GRID2: variants seen among roughly 807,000 people sequenced by gnomAD.
GRID2 encodes glutamate receptor ionotropic, delta-2.
In GRID2, 33 loss-of-function variants were observed where a neutral mutation model predicts 114.8. The observed-to-expected ratio is 0.29, with a 90% CI of 0.22 to 0.38. The LOEUF (loss-of-function observed/expected upper bound fraction) is 0.38. Ranked by LOEUF, GRID2 falls within the 10% of genes least tolerant of loss-of-function variation. GRID2 has a pLI of 1.00. For synonymous variants in GRID2, 505 were observed against 449.9 expected, an observed-to-expected ratio of 1.12 and a Z score of -1.55; for missense variants, 1,184 against 1,257.7, an observed-to-expected ratio of 0.94 and a Z score of 0.89.
At chr4:93,032,861 T>C (rs752512913) in intron 2 of GRID2, among the ~76,000 whole-genome samples, 21 of 152,146 alleles carry the variant, frequency 1.4e-4, no homozygotes, top group Non-Finnish European at 2.8e-4. Flanking sequence ...ACAGGACAGC[T>C]GAGCTACACT....
At chr4:93,040,363 A>G (rs921173678) in intron 2 of GRID2, among the ~76,000 whole-genome samples, 6 of 152,074 alleles carry the variant, frequency 3.9e-5, no homozygotes, top group African/African-American at 1.4e-4. Flanking sequence ...TAATTGTGCA[A>G]ACAATTTGAG....
At chr4:93,619,147 A>G (rs573315376) in intron 13 of GRID2, among the ~76,000 whole-genome samples, 1 of 152,310 alleles carries the variant, frequency 6.6e-6, no homozygotes, top group South Asian at 2.1e-4. Context: ...AATTTTGACA[A>G]AATAACAGAT....
intron 8 of GRID2, among the ~76,000 whole-genome samples, chr4:93,248,647 T>C (rs1017046642): frequency 7.2e-5 from 11 of 152,170 alleles, no homozygotes; most frequent in Admixed American, 1.3e-4. Context: ...TAGCAGTAAC[T>C]AGGTTTTATA....
chr4:93,666,178 T>G (rs2149744570), intron 14 of GRID2, among the ~76,000 whole-genome samples: 1 of 152,250 alleles, frequency 6.6e-6, no homozygotes, highest in Non-Finnish European at 1.5e-5. Context: ...GTCTTCATTG[T>G]CAGCACTGTT....
At chr4:93,695,172 GAAA>G (rs5860341) in intron 14 of GRID2, among the ~76,000 whole-genome samples, 2 of 135,956 alleles carry the variant, frequency 1.5e-5, no homozygotes, top group East Asian at 2.2e-4. Context: ...CTCCGTCTCG[GAAA>G]AAAAAAAAAA....
rs1412888811 is a variant in GRID2, at chr4:92,375,784, T to C, written c.88+71040T>C. On this transcript the variant is annotated intron_variant, in intron 1 of 15. Transcript: ENST00000282020. ...GGACTTTGTTGGAAATCCAAAAGCA[T>C]GAGGAAATGTGCTCAAAGTTGCATA... Among the ~76,000 whole-genome samples, 3 of 152,128 alleles carry C rather than the reference T, an allele frequency of 2.0e-5. No individual in the cohort carries two copies. In the East Asian group the frequency reaches 5.8e-4, roughly 29 times the overall value.
In GRID2 at chr4:93,455,774, A is replaced by G. The variant is rs752073311; in HGVS notation, c.1658A>G (p.Glu553Gly). ...GTGGGGGTACTACTTCGAAGGGCTGAAAAGACAGTGGATATGTTTGCCTGT... is the reference window on the plus strand; with the variant it reads ...GTGGGGGTACTACTTCGAAGGGCTGGAAAGACAGTGGATATGTTTGCCTGT... ...YSVGVLLRRA[E>G]KTVDMFACLA... Residue 553 changes from glutamate (E) to glycine (G), a missense_variant, in exon 11 of 16, where the codon GAA becomes GGA. Physicochemically the swap from Glu to Gly is moderately conservative, Grantham distance 98 (BLOSUM62 -2). Transcript: ENST00000282020. 3.1e-6 allele frequency: 5 copies of G among 1,613,008 alleles called. No homozygotes were observed. Among genetic ancestry groups the G allele is most frequent in the Non-Finnish European group, 4.2e-6 (5 of 1,179,010 alleles).
intron 2 of GRID2, among the ~76,000 whole-genome samples, chr4:92,713,698 A>G (rs184661851): frequency 2.6e-5 from 4 of 151,700 alleles, no homozygotes; most frequent in East Asian, 3.9e-4. Flanking sequence ...ATTTCATGTG[A>G]TGGCAGACAA....
chr4:92,660,334 T>G (rs368405577), intron 2 of GRID2, among the ~76,000 whole-genome samples: 1 of 151,360 alleles, frequency 6.6e-6, no homozygotes, highest in African/African-American at 2.4e-5. Context: ...TTATTACTTA[T>G]GAGTCTTTTA....
At chr4:92,627,633 G>A (rs1408614744) in intron 2 of GRID2, among the ~76,000 whole-genome samples, 4 of 151,968 alleles carry the variant, frequency 2.6e-5, no homozygotes, top group African/African-American at 7.3e-5. Context: ...ATGCATCCCA[G>A]CCCACTAATT....
rs563657754 is a variant in GRID2, at chr4:93,556,508, G to A, written c.2193+41097G>A. 9.2e-5 allele frequency among the ~76,000 whole-genome samples: 14 copies of A among 152,242 alleles called. 1 individual carries two copies. In the South Asian group the frequency reaches 2.9e-3, roughly 32 times the overall value. On this transcript the variant is annotated intron_variant, in intron 13 of 15. Coordinates refer to ENST00000282020, the MANE Select transcript of GRID2 (RefSeq NM_001510.4). ...CAATCAAACAGAAGAAAAGATATCA[G>A]AGATTGAAGATCAACTTAATGAAAT...
chr4:92,771,060 C>G (rs1209297776), intron 2 of GRID2, among the ~76,000 whole-genome samples: 1 of 151,862 alleles, frequency 6.6e-6, no homozygotes, highest in Non-Finnish European at 1.5e-5. Context: ...TTGCCAATAC[C>G]TAAGGTGTGT....
At chr4:93,734,061 C>T (rs966185014) in intron 14 of GRID2, among the ~76,000 whole-genome samples, 3 of 151,964 alleles carry the variant, frequency 2.0e-5, no homozygotes, top group Non-Finnish European at 4.4e-5. Flanking sequence ...TGAAACTCTG[C>T]TTCTTTCTGC....
intron 2 of GRID2, among the ~76,000 whole-genome samples, chr4:92,919,299 C>T (rs1446018870): frequency 6.6e-6 from 1 of 152,088 alleles, no homozygotes; most frequent in East Asian, 1.9e-4. Context: ...TTTCAAAAAA[C>T]CAGCTCCTGG....
intron 11 of GRID2, among the ~76,000 whole-genome samples, chr4:93,483,981 C>A (rs1726123009): frequency 6.6e-6 from 1 of 151,376 alleles, no homozygotes; most frequent in Non-Finnish European, 1.5e-5. Flanking sequence ...TTACCTAATT[C>A]TCTCTTCTGG....
chr4:93,018,181 A>C (rs543214142), intron 2 of GRID2, among the ~76,000 whole-genome samples: 1 of 151,210 alleles, frequency 6.6e-6, no homozygotes, highest in African/African-American at 2.4e-5. Flanking sequence ...TATGAAGAAT[A>C]ATTGTTTTAT....
chr4:92,771,672 A>T (rs1489933831), intron 2 of GRID2, among the ~76,000 whole-genome samples: 1 of 152,228 alleles, frequency 6.6e-6, no homozygotes, highest in Non-Finnish European at 1.5e-5. Context: ...CAGAGGCTAG[A>T]ATTCCCTTAA....
In GRID2 at chr4:93,773,830, A is replaced by T. The variant is rs1157446097; in HGVS notation, c.*1332A>T. On this transcript the variant is annotated 3_prime_UTR_variant, in exon 16 of 16. Transcript: ENST00000282020. ...TTTTTTATTTAGTTCTATTTGGAGG[A>T]GTTATGTATTTTTTACATTAGTGCC... 6.6e-6 allele frequency: 1 copy of T among 152,094 alleles called. No homozygotes were observed. Among genetic ancestry groups the T allele is most frequent in the Admixed American group, 6.6e-5 (1 of 15,264 alleles). 9.4% of individuals were successfully genotyped at this position (152,094 alleles called of 1,614,324 possible).
intron 13 of GRID2, among the ~76,000 whole-genome samples, chr4:93,539,819 T>C (rs573703057): frequency 4.0e-4 from 61 of 152,096 alleles, no homozygotes; most frequent in African/African-American, 1.4e-3. Flanking sequence ...GTTTGTTTGT[T>C]TGTGTGCTCT....
Sources: allele counts gnomAD v4.1 joint callset (sites outside exome capture counted in the v4.1 genomes callset), GRCh38; gene constraint gnomAD v4.1.1; transcripts MANE v1.5; gene names NCBI Gene and HGNC (gene_info 2026-07-23, HGNC 2026-07-21).